GTF2IRD1: variants seen among roughly 807,000 people sequenced by gnomAD.
The protein encoded by GTF2IRD1 is general transcription factor II-I repeat domain-containing protein 1.
In GTF2IRD1, 26 loss-of-function variants were observed where a neutral mutation model predicts 113.2. The observed-to-expected ratio is 0.23, with a 90% CI of 0.17 to 0.32. GTF2IRD1 has a LOEUF of 0.32. GTF2IRD1 is among the 10% of genes least tolerant of loss of function. GTF2IRD1 has a pLI of 1.00. For synonymous variants in GTF2IRD1, 484 were observed against 529.1 expected (o/e 0.91, Z 1.17); for missense variants, 864 against 1,280.8 (o/e 0.67, Z 4.97).
chr7:74,461,962 G>A (rs554817233), intron 1 of GTF2IRD1, among the ~76,000 whole-genome samples: 6 of 152,118 alleles, frequency 3.9e-5, no homozygotes, highest in African/African-American at 1.2e-4. Flanking sequence ...CCCTTATGTC[G>A]TCCAACCCCC....
At chr7:74,489,876 C>T (rs1192370854) in intron 1 of GTF2IRD1, among the ~76,000 whole-genome samples, 1 of 152,132 alleles carries the variant, frequency 6.6e-6, no homozygotes, top group Non-Finnish European at 1.5e-5. Flanking sequence ...TCTTTAGATA[C>T]CAGGACACAA....
At chr7:74,466,483 C>G (rs1387276342) in intron 1 of GTF2IRD1, among the ~76,000 whole-genome samples, 1 of 152,178 alleles carries the variant, frequency 6.6e-6, no homozygotes, top group Non-Finnish European at 1.5e-5. Context: ...GCCTGTGTCT[C>G]TCTGTGCCAG....
chr7:74,545,543 G>A lies in GTF2IRD1; in HGVS notation c.1667-201G>A, dbSNP rs113175747. ...CTGGCGGTGCCCTAGATTTGATTTC[G>A]CAAACAAGAATGTGAGCCCAGGAAT... On this transcript the variant is annotated intron_variant, in intron 15 of 26. Coordinates refer to ENST00000424337, the MANE Select transcript of GTF2IRD1 (RefSeq NM_005685.4). Among the ~76,000 whole-genome samples the A allele has an allele frequency of 1.0e-3, 156 of 152,210 alleles. 1 individual carries two copies. The highest frequency in any genetic ancestry group is 3.6e-3 in the African/African-American group (149 of 41,542).
rs1189565453 is a variant in GTF2IRD1 at position 74,590,704 on chromosome 7, T to C, written c.2399-121T>C. On this transcript the variant is annotated intron_variant, in intron 23 of 26. Transcript: ENST00000424337. ...CTGCGCCCCACCAGGGTCTTGATTT[T>C]TAAACTCTCTGGGTGTGATGGCTGC... 6.8e-6 allele frequency: 4 copies of C among 589,246 alleles called. No homozygotes were observed. The African/African-American group carries it at 7.5e-5, about 11-fold the overall frequency. The allele number at this position is 589,246 out of a possible 1,614,324, so 36.5% of individuals were successfully genotyped here. A position where few individuals can be genotyped will look rare whatever the true frequency, so the allele number is the denominator to read the frequency against.
At position 74,521,251 on chromosome 7, in the gene GTF2IRD1, C is replaced by T. The variant is rs781808249; in HGVS notation, c.960C>T (p.Val320=). Residue 320 remains valine, a synonymous_variant, in exon 7 of 27, where the codon GTC becomes GTT. Coordinates refer to ENST00000424337, the MANE Select transcript of GTF2IRD1 (RefSeq NM_005685.4). ...CTGGTGGGCCTCTCATCCAGAACGTCCATGCCTCCAAGCGCATTCTCTTCT... is the reference window on the plus strand; with the variant it reads ...CTGGTGGGCCTCTCATCCAGAACGTTCATGCCTCCAAGCGCATTCTCTTCT... ...TGPGGPLIQN[V]HASKRILFSI... 2 of 1,612,140 alleles carry T rather than the reference C, an allele frequency of 1.2e-6. No homozygotes were observed. The highest frequency in any genetic ancestry group is 1.1e-5 in the South Asian group (1 of 91,032).
Position 74,555,259 on chromosome 7 carries a change from G to C in GTF2IRD1, c.1966+36G>C, listed in dbSNP as rs373261605. ...CGGGGTCGGGAGCCATGGTGTGGGC[G>C]GGCAAGGGAGGGCCCCAGGCCTCTG... On this transcript the variant is annotated intron_variant, in intron 18 of 26. Transcript: ENST00000424337. This position sits in a 1 kb window ranked among gnomAD's most constrained non-coding sequence, Gnocchi z 5.3. The C allele has an allele frequency of 6.3e-7, 1 of 1,587,498 alleles. No homozygotes were observed. Among genetic ancestry groups the C allele is most frequent in the Admixed American group, 1.7e-5 (1 of 59,608 alleles).
At chr7:74,583,377 T>C (rs782800296) in intron 22 of GTF2IRD1, among the ~76,000 whole-genome samples, 1 of 148,408 alleles carries the variant, frequency 6.7e-6, no homozygotes, top group Non-Finnish European at 1.5e-5. Flanking sequence ...TTTTCTTTTT[T>C]TTTTTTTTTT....
intron 11 of GTF2IRD1, among the ~76,000 whole-genome samples, chr7:74,537,117 T>C (rs1266542096): frequency 2.1e-5 from 3 of 143,052 alleles, no homozygotes; most frequent in Non-Finnish European, 4.6e-5. Context: ...GTTTCAAAAA[T>C]ACAAACATGC....
At chr7:74,574,605 G>A (rs947066971) in intron 22 of GTF2IRD1, among the ~76,000 whole-genome samples, 3 of 151,380 alleles carry the variant, frequency 2.0e-5, no homozygotes, top group East Asian at 1.9e-4. Flanking sequence ...GACTGGAGGC[G>A]TGCACCACCG....
chr7:74,466,536 C>T (rs1408052455), intron 1 of GTF2IRD1, among the ~76,000 whole-genome samples: 2 of 152,166 alleles, frequency 1.3e-5, no homozygotes, highest in Non-Finnish European at 2.9e-5. Context: ...TGTGCTCCGT[C>T]TCGCTTCCTG....
rs782031065 is a variant in GTF2IRD1, at chr7:74,595,413, AG to A, written c.2629+363del. 4.2e-3 allele frequency among the ~76,000 whole-genome samples: 626 copies of A among 148,492 alleles called. 3 individuals are homozygous for A. Among genetic ancestry groups the A allele is most frequent in the Admixed American group, 9.2e-3 (136 of 14,846 alleles). ...AGAGCAAGACTCCATCTCGAAAAAA[AG>A]AAAAAAAGAAAGAAAGAAAAAAGCA... On this transcript the variant is annotated intron_variant, in intron 25 of 26. Transcript: ENST00000424337.
At position 74,533,282 on chromosome 7, in the gene GTF2IRD1, G is replaced by GCC. The variant is rs1554349388; in HGVS notation, c.1275-1830_1275-1829insCC. The stretch of plus-strand genomic sequence containing the variant: ...CCCAAGTAGCTGGGATTACAGGCAT[G>GCC]CACCACCACACCTGGCTAGTTTTTG... On this transcript the variant is annotated intron_variant, in intron 9 of 26. Coordinates refer to ENST00000424337, the MANE Select transcript of GTF2IRD1 (RefSeq NM_005685.4). Among the ~76,000 whole-genome samples, 12 of 152,056 alleles carry GCC rather than the reference G, an allele frequency of 7.9e-5. No individual in the cohort carries two copies. The South Asian group carries it at 2.5e-3, about 32-fold the overall frequency.
In GTF2IRD1 at chr7:74,538,703, C is replaced by A. The variant is rs782027035; in HGVS notation, c.1471C>A (p.Leu491Met). The A allele has an allele frequency of 6.2e-7, 1 of 1,606,314 alleles. No individual in the cohort carries two copies. Residue 491 changes from leucine (L) to methionine (M), a missense_variant, in exon 13 of 27, where the codon CTG becomes ATG. This residue lies in a region of GTF2IRD1 where 218 missense variants were observed against 352.6 expected (regional missense o/e 0.62). Coordinates refer to ENST00000424337, the MANE Select transcript of GTF2IRD1 (RefSeq NM_005685.4). ...GPGTSGELGG[L>M]RPIKIEPEDL... ...AGGAACCTCCGGGGAGCTGGGCGGGCTGAGGCCGATCAAAATTGAGCCAGA... is the reference window on the plus strand; with the variant it reads ...AGGAACCTCCGGGGAGCTGGGCGGGATGAGGCCGATCAAAATTGAGCCAGA...
intron 11 of GTF2IRD1, among the ~76,000 whole-genome samples, chr7:74,537,686 C>T (rs1421889196): frequency 1.3e-5 from 2 of 152,162 alleles, no homozygotes; most frequent in Admixed American, 6.5e-5. Flanking sequence ...CTGCAGTTCC[C>T]TGGGAGGGAG....
chr7:74,598,317 G>A (rs1802544409), intron 25 of GTF2IRD1, among the ~76,000 whole-genome samples: 1 of 152,000 alleles, frequency 6.6e-6, no homozygotes, highest in Non-Finnish European at 1.5e-5. Context: ...AGGCAGAGAG[G>A]AGGCCAGTCG....
intron 22 of GTF2IRD1, among the ~76,000 whole-genome samples, chr7:74,574,172 T>G (rs967219087): frequency 1.3e-3 from 192 of 147,232 alleles, no homozygotes; most frequent in Middle Eastern, 6.8e-3. Context: ...TTTTTTTTTT[T>G]TGTATTTTTA....
intron 14 of GTF2IRD1, among the ~76,000 whole-genome samples, chr7:74,542,691 A>C (rs2130625319): frequency 6.6e-6 from 1 of 152,328 alleles, no homozygotes; most frequent in South Asian, 2.1e-4. Flanking sequence ...AGCTATCCAG[A>C]GAGTTTGGTT....
At chr7:74,513,827 C>T (rs575688959) in intron 3 of GTF2IRD1, among the ~76,000 whole-genome samples, 3 of 152,200 alleles carry the variant, frequency 2.0e-5, no homozygotes, top group African/African-American at 7.2e-5. Context: ...GGCTGGGCAA[C>T]ATAGCAAGGC....
At chr7:74,544,979 G>A (rs1554352830) in intron 15 of GTF2IRD1, among the ~76,000 whole-genome samples, 177 bp downstream of exon 15, 1 of 152,148 alleles carries the variant, frequency 6.6e-6, no homozygotes, top group African/African-American at 2.4e-5. Context: ...GAGATTTAAG[G>A]ATTTGTCTTC....
Sources: gnomAD v4.1 joint callset for allele counts (sites outside exome capture counted in the v4.1 genomes callset) on GRCh38, gnomAD v4.1.1 for gene constraint, gnomAD v4.1.1 regional missense constraint, Gnocchi (gnomAD v3.1) non-coding constraint, MANE v1.5 for transcripts, NCBI Gene and HGNC (gene_info 2026-07-23, HGNC 2026-07-21) for gene names.